GRM5: variants seen among roughly 807,000 people sequenced by gnomAD.
GRM5 encodes metabotropic glutamate receptor 5.
In GRM5, 19 loss-of-function variants were observed where a neutral mutation model predicts 83.1. The observed-to-expected ratio is 0.23, with a 90% CI of 0.16 to 0.34. The LOEUF is 0.34. GRM5 is among the 10% of genes least tolerant of loss of function. The pLI, the probability that GRM5 is intolerant of heterozygous loss-of-function variation, is 1.00. For missense variants in GRM5, 1,160 were observed against 1,588.3 expected, an observed-to-expected ratio of 0.73 and a Z score of 4.58; for synonymous variants, 675 against 633.6, an observed-to-expected ratio of 1.07 and a Z score of -0.98.
Position 88,589,024 on chromosome 11 carries a change from G to A in GRM5, c.1690+1577C>T, listed in dbSNP as rs1001094681. Among the ~76,000 whole-genome samples, 4 of 152,238 alleles carry A rather than the reference G, an allele frequency of 2.6e-5. No homozygotes were observed. The East Asian group carries it at 7.7e-4, about 29-fold the overall frequency. ...TCAATATCATAGTCTTACAGAACAT[G>A]AGACAAAAAGTTACATCTGTATATT... On this transcript the variant is annotated intron_variant, in intron 7 of 9. Transcript: ENST00000305447.
chr11:88,804,807 T>C (rs1191253814), intron 3 of GRM5, among the ~76,000 whole-genome samples: 6 of 152,050 alleles, frequency 3.9e-5, no homozygotes, highest in Admixed American at 3.9e-4. Context: ...ATAATAGATA[T>C]TGGAGATTCA....
intron 3 of GRM5, among the ~76,000 whole-genome samples, chr11:88,670,561 A>G (rs1940165880): frequency 8.7e-6 from 1 of 114,896 alleles, no homozygotes; most frequent in Admixed American, 9.1e-5. Context: ...AAGTCTGAAA[A>G]CGACTCATAT....
intron 2 of GRM5, among the ~76,000 whole-genome samples, chr11:89,023,879 AAAT>A (rs1941057106): frequency 1.3e-5 from 2 of 148,200 alleles, no homozygotes; most frequent in Admixed American, 1.4e-4. Flanking sequence ...ATAAATAAAT[AAAT>A]AAATAAATAA....
chr11:88,661,057 G>T (rs1470827681), intron 3 of GRM5, among the ~76,000 whole-genome samples: 1 of 152,158 alleles, frequency 6.6e-6, no homozygotes, highest in Non-Finnish European at 1.5e-5. Context: ...CAAGATTTCT[G>T]CTCTCATAGA....
chr11:88,821,476 C>T (rs79232380), intron 3 of GRM5, among the ~76,000 whole-genome samples: 5,025 of 151,956 alleles, frequency 0.033, 119 homozygotes, highest in Middle Eastern at 0.085. Context: ...TCGATGTCAC[C>T]TTCCTCCATG....
intron 3 of GRM5, among the ~76,000 whole-genome samples, chr11:88,714,250 T>C (rs536199544): frequency 8.0e-4 from 122 of 152,118 alleles, no homozygotes; most frequent in Admixed American, 1.3e-3. Flanking sequence ...ACAGGCCATG[T>C]ACTGGGTTTT....
In GRM5 at chr11:88,933,187, A is replaced by ATTTTT. The variant is rs57318577; in HGVS notation, c.662-83037_662-83033dup. On this transcript the variant is annotated intron_variant, in intron 2 of 9. Coordinates refer to ENST00000305447, the MANE Select transcript of GRM5 (RefSeq NM_001143831.3). Reference sequence around the variant, plus strand: ...GGTCTGCAATTCAAATATTTGGGGCATTTTTTTTTTTTTTTTTTTTGCTAA... The same window carrying ATTTTT: ...GGTCTGCAATTCAAATATTTGGGGCATTTTTTTTTTTTTTTTTTTTTTTTTGCTAA... 8.0e-4 allele frequency among the ~76,000 whole-genome samples: 85 copies of ATTTTT among 106,290 alleles called. 3 individuals carry two copies. The highest frequency in any genetic ancestry group is 1.7e-3 in the East Asian group (6 of 3,634). The allele number at this position is 106,290 out of a possible 152,430, so 69.7% of individuals were successfully genotyped here.
intron 3 of GRM5, among the ~76,000 whole-genome samples, chr11:88,757,884 G>A (rs1009806508): frequency 2.1e-4 from 32 of 152,128 alleles, no homozygotes; most frequent in African/African-American, 7.5e-4. Flanking sequence ...TTCCCCAACC[G>A]CCCACCGATT....
chr11:88,894,134 A>G (rs766525370), intron 2 of GRM5, among the ~76,000 whole-genome samples: 2 of 151,930 alleles, frequency 1.3e-5, no homozygotes, highest in Non-Finnish European at 2.9e-5. Flanking sequence ...AGCAGACAAG[A>G]TGGTGCTGAT....
chr11:88,647,012 T>C (rs1939476770), intron 4 of GRM5, among the ~76,000 whole-genome samples: 1 of 152,004 alleles, frequency 6.6e-6, no homozygotes, highest in African/African-American at 2.4e-5. Context: ...CCTCTGAGAC[T>C]CTGGGTAGAA....
intron 4 of GRM5, among the ~76,000 whole-genome samples, chr11:88,638,976 A>C (rs1202166442): frequency 6.7e-6 from 1 of 150,266 alleles, no homozygotes; most frequent in African/African-American, 2.5e-5. Flanking sequence ...ACTGATTTTC[A>C]CTCTGGTCTA....
chr11:88,944,530 T>C (rs1938212082), intron 2 of GRM5, among the ~76,000 whole-genome samples: 1 of 151,970 alleles, frequency 6.6e-6, no homozygotes, highest in South Asian at 2.1e-4. Context: ...ACCTAAAACC[T>C]ACGTGCCTTT....
intron 2 of GRM5, among the ~76,000 whole-genome samples, chr11:88,956,413 T>C (rs969367796): frequency 1.3e-5 from 2 of 152,246 alleles, no homozygotes; most frequent in African/African-American, 4.8e-5. Context: ...CATCATACGC[T>C]AGGCACTCTG....
At position 88,796,098 on chromosome 11, in the gene GRM5, G is replaced by A. The variant is rs113662552; in HGVS notation, c.911+53808C>T. ...TACTGCTAGCATAAACACTATTACT[G>A]ATCTTCAGGACCACTTGCATTTCCA... On this transcript the variant is annotated intron_variant, in intron 3 of 9. Coordinates refer to ENST00000305447, the MANE Select transcript of GRM5 (RefSeq NM_001143831.3). Among the ~76,000 whole-genome samples the A allele has an allele frequency of 2.9e-4, 44 of 152,090 alleles. 2 individuals are homozygous for A. Among genetic ancestry groups the A allele is most frequent in the African/African-American group, 9.2e-4 (38 of 41,422 alleles).
At chr11:88,745,175 A>G (rs1375023234) in intron 3 of GRM5, among the ~76,000 whole-genome samples, 3 of 139,766 alleles carry the variant, frequency 2.1e-5, no homozygotes, top group Non-Finnish European at 3.0e-5. Flanking sequence ...CACTTCTCCT[A>G]ATTTTTTTTT....
intron 7 of GRM5, among the ~76,000 whole-genome samples, chr11:88,586,291 T>G (rs1053829158): frequency 2.0e-5 from 3 of 152,134 alleles, no homozygotes; most frequent in African/African-American, 7.2e-5. Context: ...TGTCAGTTGA[T>G]TGCTACTTTA....
intron 2 of GRM5, among the ~76,000 whole-genome samples, chr11:89,036,073 T>G (rs1941377451): frequency 6.6e-6 from 1 of 152,094 alleles, no homozygotes; most frequent in African/African-American, 2.4e-5. Flanking sequence ...AATTCAAAAG[T>G]ACTTGAAGTA....
intron 3 of GRM5, among the ~76,000 whole-genome samples, chr11:88,707,788 A>G (rs770189637): frequency 6.6e-6 from 1 of 152,110 alleles, no homozygotes; most frequent in African/African-American, 2.4e-5. Flanking sequence ...GCAGTACAAG[A>G]TTTGAAAATT....
intron 4 of GRM5, among the ~76,000 whole-genome samples, chr11:88,651,284 TG>T: frequency 6.6e-6 from 1 of 151,796 alleles, no homozygotes; most frequent in Non-Finnish European, 1.5e-5. Flanking sequence ...CAAAAAACAG[TG>T]GGAAAAGAAG....
Sources: allele counts gnomAD v4.1 joint callset (sites outside exome capture counted in the v4.1 genomes callset), GRCh38; gene constraint gnomAD v4.1.1; transcripts MANE v1.5; gene names NCBI Gene and HGNC (gene_info 2026-07-23, HGNC 2026-07-21).